The following KIAA1549 variants were observed in gnomAD, a reference collection of about 807,000 sequenced individuals.
KIAA1549 encodes the protein UPF0606 protein KIAA1549.
KIAA1549 carries 70 observed loss-of-function variants against 156.4 expected under a neutral mutation model. The ratio of observed to expected loss-of-function variants is 0.45; its 90% CI spans 0.37 to 0.55. The LOEUF is 0.55. KIAA1549 is among the 20% of genes least tolerant of loss of function. The probability of loss-of-function intolerance (pLI) is 0.00; values close to 1 mark genes in which losing one functional copy is unlikely to be tolerated. For synonymous variants in KIAA1549, 1,103 were observed against 1,066.4 expected, an observed-to-expected ratio of 1.03 and a Z score of -0.67; for missense variants, 2,428 against 2,540.9, an observed-to-expected ratio of 0.96 and a Z score of 0.96.
At position 138,832,190 on chromosome 7, in the gene KIAA1549, C is replaced by CTTTTT. The variant is rs1563039449; in HGVS notation, c.*5715_*5716insAAAAA. On this transcript the variant is annotated 3_prime_UTR_variant, in exon 20 of 20. Transcript: ENST00000422774. ...TTCACCTCTGTCCCTTTTACCTATT[C>CTTTTT]CTTTTTTTTTTTTTTTTTTTTCCAG... 96 of 169,982 alleles carry CTTTTT rather than the reference C, an allele frequency of 5.6e-4. 3 individuals carry two copies. Among genetic ancestry groups the CTTTTT allele is most frequent in the Admixed American group, 2.5e-3 (31 of 12,476 alleles). 10.5% of individuals were successfully genotyped at this position (169,982 alleles called of 1,614,324 possible).
intron 13 of KIAA1549, among the ~76,000 whole-genome samples, 164 bp from the exon 14 acceptor site, chr7:138,869,925 C>G (rs1170452605): frequency 6.6e-6 from 1 of 152,170 alleles, no homozygotes; most frequent in East Asian, 1.9e-4. Context: ...TCTCAGCTCG[C>G]TGCAACCTCC....
chr7:138,913,980 G>A (rs566623306), intron 2 of KIAA1549, among the ~76,000 whole-genome samples: 1 of 150,296 alleles, frequency 6.7e-6, no homozygotes, highest in South Asian at 2.1e-4. Flanking sequence ...AGAAAAGGAG[G>A]AGGGAGGGAG....
At chr7:138,960,396 G>GC (rs758911179) in intron 1 of KIAA1549, among the ~76,000 whole-genome samples, 1 of 103,348 alleles carries the variant, frequency 9.7e-6, no homozygotes, top group Non-Finnish European at 1.8e-5. Context: ...TGCAACCTCT[G>GC]CCCCCCGGTT....
chr7:138,968,481 TAG>T (rs1305883074), intron 1 of KIAA1549, among the ~76,000 whole-genome samples: 1 of 151,144 alleles, frequency 6.6e-6, no homozygotes, highest in Non-Finnish European at 1.5e-5. Context: ...GGAAACAAAC[TAG>T]AGGTCAGATA....
chr7:138,875,971 G>GT lies in KIAA1549; in HGVS notation c.4345+3566dup, dbSNP rs1268886963. Among the ~76,000 whole-genome samples the GT allele has an allele frequency of 7.3e-3, 1,050 of 144,380 alleles. 8 individuals carry two copies. The highest frequency in any genetic ancestry group is 0.013 in the South Asian group (57 of 4,512). The allele number at this position is 144,380 out of a possible 152,430, so 94.7% of individuals were successfully genotyped here. A position where few individuals can be genotyped will look rare whatever the true frequency, so the allele number is the denominator to read the frequency against. On this transcript the variant is annotated intron_variant, in intron 12 of 19. Coordinates refer to ENST00000422774, the MANE Select transcript of KIAA1549 (RefSeq NM_001164665.2). ...CCACCAGGCCTGGCTAATTTTTTCT[G>GT]TTTTTTTTTTTGTAGAGTCAGAGTC...
At chr7:138,853,662 A>C (rs1810297757) in intron 16 of KIAA1549, among the ~76,000 whole-genome samples, 1 of 152,176 alleles carries the variant, frequency 6.6e-6, no homozygotes, top group African/African-American at 2.4e-5. Flanking sequence ...CTCTGCTTCC[A>C]TCCCCTTGGC....
intron 8 of KIAA1549, among the ~76,000 whole-genome samples, chr7:138,900,743 T>G (rs1338170988): frequency 6.6e-6 from 1 of 152,216 alleles, no homozygotes; most frequent in Non-Finnish European, 1.5e-5. Flanking sequence ...AGAAAGGGCC[T>G]GGCACCTCCC....
chr7:138,909,110 C>G lies in KIAA1549; in HGVS notation c.3157G>C (p.Val1053Leu). 6.2e-7 allele frequency: 1 copy of G among 1,613,178 alleles called. No homozygotes were observed. Among genetic ancestry groups the G allele is most frequent in the South Asian group, 1.1e-5 (1 of 90,928 alleles). The change falls in exon 5 of 20, where the codon GTG becomes CTG. Residue 1053 changes from valine (V) to leucine (L), a missense_variant. Around this residue, in one of 5 missense-constraint regions of KIAA1549, gnomAD observed 762 missense variants for 901.6 expected, o/e 0.85. Coordinates refer to ENST00000422774, the MANE Select transcript of KIAA1549 (RefSeq NM_001164665.2). ...RFQVQTVLQF[V>L]PPSVDTGFCN... ...AAGCCAGTATCCACACTCGGAGGCACAAACTGAAGTACTGAAAAGAAAAGC... is the reference window on the plus strand; with the variant it reads ...AAGCCAGTATCCACACTCGGAGGCAGAAACTGAAGTACTGAAAAGAAAAGC...
intron 7 of KIAA1549, among the ~76,000 whole-genome samples, chr7:138,904,123 T>G (rs374735338): frequency 9.3e-4 from 142 of 152,280 alleles, no homozygotes; most frequent in African/African-American, 3.4e-3. Context: ...CTTCTGGAAT[T>G]GGTGTGAGTT....
chr7:138,921,425 G>A (rs946533275), intron 1 of KIAA1549, among the ~76,000 whole-genome samples: 1 of 152,152 alleles, frequency 6.6e-6, no homozygotes, highest in Non-Finnish European at 1.5e-5. Context: ...TATGTATTAC[G>A]TGCTCCCAAT....
At chr7:138,947,713 T>C (rs892729054) in intron 1 of KIAA1549, among the ~76,000 whole-genome samples, 1 of 152,168 alleles carries the variant, frequency 6.6e-6, no homozygotes, top group Non-Finnish European at 1.5e-5. Flanking sequence ...AGATGTAAAC[T>C]ACACTTTCAG....
intron 10 of KIAA1549, among the ~76,000 whole-genome samples, chr7:138,894,066 T>C (rs1453231490): frequency 6.6e-6 from 1 of 152,150 alleles, no homozygotes; most frequent in Admixed American, 6.5e-5. Flanking sequence ...CCAGACTCTG[T>C]CTCAAAAAAT....
At position 138,837,346 on chromosome 7, in the gene KIAA1549, C is replaced by A; in HGVS notation, c.*560G>T. The A allele has an allele frequency of 4.4e-6, 1 of 229,086 alleles. No individual in the cohort carries two copies. Among genetic ancestry groups the A allele is most frequent in the Non-Finnish European group, 8.6e-6 (1 of 115,630 alleles). The allele number at this position is 229,086 out of a possible 1,614,324, so 14.2% of individuals were successfully genotyped here. A position where few individuals can be genotyped will look rare whatever the true frequency, so the allele number is the denominator to read the frequency against. On this transcript the variant is annotated 3_prime_UTR_variant, in exon 20 of 20. Transcript: ENST00000422774. Reference sequence around the variant, plus strand: ...GTTTGGAGTCATCAGGCTCTACAACCTATCATTTGGTTTCTCACTAGTAGC... The same window carrying A: ...GTTTGGAGTCATCAGGCTCTACAACATATCATTTGGTTTCTCACTAGTAGC...
intron 8 of KIAA1549, among the ~76,000 whole-genome samples, chr7:138,900,110 C>G (rs1811799820): frequency 6.6e-6 from 1 of 152,204 alleles, no homozygotes; most frequent in Admixed American, 6.5e-5. Flanking sequence ...ACTTCTCTGT[C>G]CACACGTATG....
At chr7:138,947,155 G>T (rs1813360552) in intron 1 of KIAA1549, among the ~76,000 whole-genome samples, 1 of 152,078 alleles carries the variant, frequency 6.6e-6, no homozygotes, top group African/African-American at 2.4e-5. Flanking sequence ...GAGTTTCTTG[G>T]GTAATCTGCA....
chr7:138,939,417 C>T (rs1563086112), intron 1 of KIAA1549, among the ~76,000 whole-genome samples: 1 of 152,070 alleles, frequency 6.6e-6, no homozygotes, highest in Non-Finnish European at 1.5e-5. Flanking sequence ...GTTTTCTCCT[C>T]TTTTTTTCCC....
rs1049280990 is a variant in KIAA1549 at position 138,917,474 on chromosome 7, G to C, written c.2152C>G (p.Pro718Ala). The C allele has an allele frequency of 1.5e-5, 25 of 1,613,866 alleles. No homozygotes were observed. The highest frequency in any genetic ancestry group is 2.1e-5 in the Non-Finnish European group (25 of 1,179,880). The change falls in exon 2 of 20, where the codon CCA (proline) becomes GCA (alanine). Residue 718 changes from proline (P) to alanine (A), a missense_variant. Coordinates refer to ENST00000422774, the MANE Select transcript of KIAA1549 (RefSeq NM_001164665.2). ...MLLPSRSEVS[P>A]WSSFPSDSLE... ...GAATCAGAAGGGAAGCTTGACCATG[G>C]TGACACCTCAGAACGGCTAGGTAGC...
intron 1 of KIAA1549, among the ~76,000 whole-genome samples, chr7:138,957,097 G>A (rs995951305): frequency 3.3e-5 from 5 of 152,178 alleles, no homozygotes; most frequent in African/African-American, 7.2e-5. Context: ...TGCATTCCAC[G>A]CAGAAAGAAC....
In KIAA1549 at chr7:138,835,529, T is replaced by C. The variant is rs773088691; in HGVS notation, c.*2377A>G. The C allele has an allele frequency of 2.6e-4, 57 of 223,416 alleles. No individual in the cohort carries two copies. The highest frequency in any genetic ancestry group is 4.6e-4 in the Non-Finnish European group (52 of 111,944). 13.8% of individuals were successfully genotyped at this position (223,416 alleles called of 1,614,324 possible). On this transcript the variant is annotated 3_prime_UTR_variant, in exon 20 of 20. Transcript: ENST00000422774. ...AATGCTCAAAGGAGGTTACCATTTT[T>C]AGCACACTCTATGTGCAAGCCTGTA...
Sources: allele counts gnomAD v4.1 joint callset (sites outside exome capture counted in the v4.1 genomes callset), GRCh38; gene constraint gnomAD v4.1.1; regional missense constraint gnomAD v4.1.1; transcripts MANE v1.5; gene names NCBI Gene and HGNC (gene_info 2026-07-23, HGNC 2026-07-21).